Variants in CADM2 observed in about 807,000 individuals in gnomAD.
The protein encoded by CADM2 is cell adhesion molecule 2, also known as immunoglobulin superfamily member 4D.
Under a neutral mutation model 49.8 loss-of-function variants are expected in CADM2, and 12 were observed. The observed-to-expected ratio is 0.24, with a 90% CI of 0.15 to 0.39. The LOEUF is 0.39. Among genes scored for constraint, CADM2 ranks in the 10% least tolerant of loss-of-function variants. CADM2 has a pLI of 1.00. For missense variants in CADM2, 378 were observed against 492.3 expected, an observed-to-expected ratio of 0.77 and a Z score of 2.20; for synonymous variants, 214 against 175.4, an observed-to-expected ratio of 1.22 and a Z score of -1.74.
At chr3:85,390,347 C>T (rs950573264) in intron 1 of CADM2, among the ~76,000 whole-genome samples, 3 of 152,038 alleles carry the variant, frequency 2.0e-5, no homozygotes, top group African/African-American at 7.2e-5. Flanking sequence ...GCACTTCAAT[C>T]GTGGTTCTTC....
chr3:86,034,378 T>A (rs1348527040), intron 8 of CADM2, among the ~76,000 whole-genome samples: 1 of 151,912 alleles, frequency 6.6e-6, no homozygotes, highest in African/African-American at 2.4e-5. Flanking sequence ...AATTAGTGCT[T>A]GTATAAAGGG....
chr3:85,944,111 G>A (rs540944695), intron 7 of CADM2, among the ~76,000 whole-genome samples: 2 of 151,916 alleles, frequency 1.3e-5, no homozygotes, highest in African/African-American at 2.4e-5. Flanking sequence ...AAAAATGGCA[G>A]GGTTGCAATC....
chr3:85,253,514 G>C (rs1037673165), intron 1 of CADM2, among the ~76,000 whole-genome samples: 6 of 151,914 alleles, frequency 3.9e-5, no homozygotes, highest in African/African-American at 1.5e-4. Context: ...TCCTCAACCT[G>C]CATTTATCTT....
intron 1 of CADM2, among the ~76,000 whole-genome samples, chr3:85,371,997 T>C (rs2033275198): frequency 6.6e-5 from 10 of 151,934 alleles, no homozygotes; most frequent in African/African-American, 2.2e-4. Flanking sequence ...CTGTCTCCTC[T>C]AATCTGTGGA....
intron 1 of CADM2, among the ~76,000 whole-genome samples, chr3:85,641,776 A>C (rs2064722988): frequency 6.6e-6 from 1 of 151,646 alleles, no homozygotes; most frequent in African/African-American, 2.4e-5. Flanking sequence ...AATACAAAAA[A>C]AAAAAATAGC....
intron 1 of CADM2, among the ~76,000 whole-genome samples, chr3:85,220,384 C>A (rs1048235178): frequency 1.3e-5 from 2 of 152,046 alleles, no homozygotes; most frequent in Non-Finnish European, 2.9e-5. Context: ...ACTCAGCATT[C>A]TATATTACTG....
intron 3 of CADM2, among the ~76,000 whole-genome samples, chr3:85,818,189 T>C (rs2073335651): frequency 6.6e-6 from 1 of 152,058 alleles, no homozygotes; most frequent in South Asian, 2.1e-4. Context: ...AATTTGGAGA[T>C]TCAATGGCTA....
intron 1 of CADM2, among the ~76,000 whole-genome samples, chr3:85,637,077 ACT>A (rs10537979): frequency 0.16 from 24,554 of 151,600 alleles, 2,312 homozygotes; most frequent in South Asian, 0.27. Context: ...TTAACATTCT[ACT>A]CTTTCCTTTT....
At chr3:85,711,469 G>A (rs1257054943) in intron 1 of CADM2, among the ~76,000 whole-genome samples, 1 of 152,154 alleles carries the variant, frequency 6.6e-6, no homozygotes, top group African/African-American at 2.4e-5. Flanking sequence ...CTTTAACTGT[G>A]AGATTTACTA....
At chr3:85,436,843 C>T (rs1291821543) in intron 1 of CADM2, among the ~76,000 whole-genome samples, 2 of 152,198 alleles carry the variant, frequency 1.3e-5, no homozygotes, top group Non-Finnish European at 2.9e-5. Flanking sequence ...GATGAACCTA[C>T]ATTGACACAT....
intron 1 of CADM2, among the ~76,000 whole-genome samples, chr3:85,145,392 T>C (rs2039706660): frequency 6.6e-6 from 1 of 152,190 alleles, no homozygotes; most frequent in Non-Finnish European, 1.5e-5. Context: ...AGGTTTTCTA[T>C]GTTTCAAATA....
Position 86,051,922 on chromosome 3 carries a change from A to G in CADM2, c.971-13683A>G, listed in dbSNP as rs539404311. 2.4e-4 allele frequency among the ~76,000 whole-genome samples: 36 copies of G among 152,234 alleles called. No individual in the cohort carries two copies. The South Asian group carries it at 5.6e-3, about 24-fold the overall frequency. On this transcript the variant is annotated intron_variant, in intron 8 of 9. Coordinates refer to ENST00000383699, the MANE Select transcript of CADM2 (RefSeq NM_001167675.2). ...CCAACCCTGGGAATTACAATTTGAC[A>G]TGATATTTGGTGGGGACACAGATCT... is the stretch of plus-strand genomic sequence containing the variant.
At chr3:85,041,981 A>G (rs1449457014) in intron 1 of CADM2, among the ~76,000 whole-genome samples, 2 of 152,204 alleles carry the variant, frequency 1.3e-5, no homozygotes, top group Non-Finnish European at 2.9e-5. Context: ...GAAGGAGAAA[A>G]AAGGCTTGTT....
intron 2 of CADM2, among the ~76,000 whole-genome samples, chr3:85,780,598 T>C (rs1440283501): frequency 6.6e-6 from 1 of 152,208 alleles, no homozygotes. Context: ...TGCCTTCTGC[T>C]TTCTCTTTTC....
chr3:85,545,687 C>T (rs2061653526), intron 1 of CADM2, among the ~76,000 whole-genome samples: 1 of 152,156 alleles, frequency 6.6e-6, no homozygotes, highest in Non-Finnish European at 1.5e-5. Flanking sequence ...CCGAATAGGG[C>T]TGGGTGGAAC....
chr3:85,594,276 T>C (rs566654897), intron 1 of CADM2, among the ~76,000 whole-genome samples: 1 of 151,974 alleles, frequency 6.6e-6, no homozygotes, highest in Non-Finnish European at 1.5e-5. Flanking sequence ...AGTTAGAACA[T>C]AACAATTTTT....
chr3:85,258,665 G>A (rs2042944694), intron 1 of CADM2, among the ~76,000 whole-genome samples: 1 of 152,008 alleles, frequency 6.6e-6, no homozygotes, highest in South Asian at 2.1e-4. Context: ...GGAAGATAAT[G>A]CTTTCTTTTT....
intron 1 of CADM2, among the ~76,000 whole-genome samples, chr3:85,645,715 G>T (rs2064863175): frequency 6.6e-6 from 1 of 151,740 alleles, no homozygotes; most frequent in Non-Finnish European, 1.5e-5. Context: ...TATATAATCT[G>T]TAAAGAATAT....
At chr3:85,512,686 AAAG>A (rs58418795) in intron 1 of CADM2, among the ~76,000 whole-genome samples, 6,470 of 152,158 alleles carry the variant, frequency 0.043, 456 homozygotes, top group African/African-American at 0.15. Context: ...AAAATATAAA[AAAG>A]AAGTGATTTT....
Sources: allele counts gnomAD v4.1 joint callset (sites outside exome capture counted in the v4.1 genomes callset), GRCh38; gene constraint gnomAD v4.1.1; transcripts MANE v1.5; gene names NCBI Gene and HGNC (gene_info 2026-07-23, HGNC 2026-07-21).